The following KCTD3 variants were observed in gnomAD, a reference collection of about 807,000 sequenced individuals.
KCTD3 encodes potassium channel tetramerization domain containing 3.
Under a neutral mutation model 85.8 loss-of-function variants are expected in KCTD3, and 41 were observed. The ratio of observed to expected loss-of-function variants is 0.48; its 90% confidence interval spans 0.37 to 0.62. KCTD3 has a LOEUF of 0.62. KCTD3 is among the 20% of genes least tolerant of loss of function. The pLI, the probability that KCTD3 is intolerant of heterozygous loss-of-function variation, is 0.00. For synonymous variants in KCTD3, 338 were observed against 345.4 expected (o/e 0.98, Z 0.24); for missense variants, 724 against 989.9 (o/e 0.73, Z 3.60).
At chr1:215,591,184 T>C (rs958179029) in intron 9 of KCTD3, among the ~76,000 whole-genome samples, 7 of 152,150 alleles carry the variant, frequency 4.6e-5, no homozygotes, top group African/African-American at 1.4e-4. Context: ...ACCTCTGATA[T>C]CTGATATCTC....
intron 8 of KCTD3, among the ~76,000 whole-genome samples, chr1:215,583,552 C>T (rs1659902053): frequency 6.6e-6 from 1 of 152,130 alleles, no homozygotes; most frequent in Non-Finnish European, 1.5e-5. Flanking sequence ...TGCTGACCTT[C>T]CTTGTTACGC....
chr1:215,576,231 G>A (rs1400796923), intron 4 of KCTD3, among the ~76,000 whole-genome samples: 2 of 151,732 alleles, frequency 1.3e-5, no homozygotes, highest in African/African-American at 4.8e-5. Flanking sequence ...ACCATGCCCG[G>A]CTGATTTTTT....
At chr1:215,588,900 T>C (rs1246261538) in intron 9 of KCTD3, among the ~76,000 whole-genome samples, 1 of 152,202 alleles carries the variant, frequency 6.6e-6, no homozygotes, top group East Asian at 1.9e-4. Flanking sequence ...AAAGTTACCA[T>C]GTTATTTCTT....
At chr1:215,567,811 G>A (rs1558224342) in intron 1 of KCTD3, 43 bp downstream of exon 1, 1 of 1,186,318 alleles carries the variant, frequency 8.4e-7, no homozygotes, top group Non-Finnish European at 1.1e-6. Flanking sequence ...ATGCCTTGGC[G>A]GCCTCCTCCT....
At chr1:215,593,355 T>C (rs1188451871) in intron 9 of KCTD3, among the ~76,000 whole-genome samples, 1 of 152,234 alleles carries the variant, frequency 6.6e-6, no homozygotes. Flanking sequence ...AATGTTTATA[T>C]AGAAGATACT....
rs1430553664 is a variant in KCTD3, at chr1:215,595,435, A to G, written c.897A>G (p.Lys299=). The part of the protein sequence containing the change: ...NQLVATSHTG[K]VGVWNAVTQH... ...TGGTGGCCACGAGTCATACAGGGAA[A>G]GTGGGAGTGTGGAATGCTGTCACTC... The change falls in exon 10 of 18, where the codon AAA becomes AAG. Residue 299 remains lysine (K), a synonymous_variant. Transcript: ENST00000259154. 4 of 1,613,426 alleles carry G rather than the reference A, an allele frequency of 2.5e-6. No homozygotes were observed. Among genetic ancestry groups the G allele is most frequent in the East Asian group, 2.2e-5 (1 of 44,882 alleles).
intron 9 of KCTD3, among the ~76,000 whole-genome samples, chr1:215,594,564 A>G (rs1052663811): frequency 6.6e-6 from 1 of 151,376 alleles, no homozygotes; most frequent in Admixed American, 6.6e-5. Context: ...TATATTTTCA[A>G]CCCCCTTTCC....
At chr1:215,604,527 G>A (rs1429755257) in intron 13 of KCTD3, among the ~76,000 whole-genome samples, 4 of 151,958 alleles carry the variant, frequency 2.6e-5, no homozygotes, top group Non-Finnish European at 5.9e-5. Context: ...AGGTGGATTG[G>A]TTTAGCCCAG....
Position 215,604,266 on chromosome 1 carries a change from A to G in KCTD3, c.1273A>G (p.Thr425Ala). The G allele has an allele frequency of 6.2e-7, 1 of 1,613,994 alleles. No homozygotes were observed. ...QTFTVHRSPV[T>A]KIMLSEKHLV... ...TTTCACAGTTCACCGAAGTCCCGTAACAAAAATCATGCTATCAGAGAAGCA... is the reference window on the plus strand; with the variant it reads ...TTTCACAGTTCACCGAAGTCCCGTAGCAAAAATCATGCTATCAGAGAAGCA... Residue 425 changes from threonine to alanine, a missense_variant, in exon 13 of 18, where the codon ACA becomes GCA. Thr to Ala is a moderately conservative substitution (Grantham distance 58). This residue lies in a region of KCTD3 where 146 missense variants were observed against 320.3 expected (regional missense o/e 0.46). Transcript: ENST00000259154.
chr1:215,578,170 A>T (rs1659660852), intron 6 of KCTD3, 89 bp downstream of exon 6: 1 of 1,036,170 alleles, frequency 9.7e-7, no homozygotes, highest in Non-Finnish European at 1.4e-6. Context: ...CTCCTTGATT[A>T]TTGAGTTTTT....
chr1:215,589,815 C>T (rs73085436), intron 9 of KCTD3, among the ~76,000 whole-genome samples: 3,820 of 152,170 alleles, frequency 0.025, 156 homozygotes, highest in African/African-American at 0.086. Context: ...TGAAATAATA[C>T]GGCAGAATTT....
chr1:215,599,834 G>A (rs1436978879), intron 10 of KCTD3, among the ~76,000 whole-genome samples: 1 of 151,338 alleles, frequency 6.6e-6, no homozygotes, highest in African/African-American at 2.4e-5. Context: ...GAGAATAAAT[G>A]GTAAAAATGT....
intron 7 of KCTD3, among the ~76,000 whole-genome samples, 159 bp from the exon 8 acceptor site, chr1:215,579,750 G>T (rs544801672): frequency 1.2e-4 from 18 of 152,192 alleles, no homozygotes; most frequent in Non-Finnish European, 2.5e-4. Context: ...CGCCCGCCTC[G>T]GCCTCCCAAA....
At chr1:215,591,552 T>G (rs1160839310) in intron 9 of KCTD3, among the ~76,000 whole-genome samples, 1 of 152,108 alleles carries the variant, frequency 6.6e-6, no homozygotes, top group Non-Finnish European at 1.5e-5. Flanking sequence ...GAGACAGGTT[T>G]CACCATCTTG....
At chr1:215,605,779 G>A (rs1298197449) in intron 13 of KCTD3, among the ~76,000 whole-genome samples, 2 of 151,900 alleles carry the variant, frequency 1.3e-5, no homozygotes, top group Non-Finnish European at 2.9e-5. Context: ...CTCCCACATA[G>A]TACAATTCAT....
chr1:215,583,716 A>G lies in KCTD3; in HGVS notation c.627-2779A>G, dbSNP rs1453728413. 4.6e-5 allele frequency among the ~76,000 whole-genome samples: 7 copies of G among 152,220 alleles called. No individual in the cohort carries two copies. The East Asian group carries it at 1.4e-3, about 29-fold the overall frequency. The stretch of plus-strand genomic sequence containing the variant: ...TCTTAATCCTAAGGGTTTCAGAGGG[A>G]GGAAGATTCATCTTCTGTAACTTCT... On this transcript the variant is annotated intron_variant, in intron 8 of 17. Coordinates refer to ENST00000259154, the MANE Select transcript of KCTD3 (RefSeq NM_016121.5).
chr1:215,584,764 C>G (rs934626516), intron 8 of KCTD3, among the ~76,000 whole-genome samples: 2 of 152,206 alleles, frequency 1.3e-5, no homozygotes, highest in East Asian at 1.9e-4. Context: ...GTAAAATAAC[C>G]AGTTTCTCCA....
At chr1:215,592,092 C>T (rs1282798124) in intron 9 of KCTD3, among the ~76,000 whole-genome samples, 5 of 152,136 alleles carry the variant, frequency 3.3e-5, no homozygotes, top group African/African-American at 9.7e-5. Flanking sequence ...ATCACAAGAA[C>T]GACAAAGGAA....
chr1:215,616,891 A>G (rs1020514522), intron 15 of KCTD3, among the ~76,000 whole-genome samples: 5 of 152,252 alleles, frequency 3.3e-5, no homozygotes, highest in African/African-American at 9.6e-5. Flanking sequence ...TTGTATGCCA[A>G]TGAGTTGACT....
Sources: gnomAD v4.1 joint callset for allele counts (sites outside exome capture counted in the v4.1 genomes callset) on GRCh38, gnomAD v4.1.1 for gene constraint, gnomAD v4.1.1 regional missense constraint, MANE v1.5 for transcripts, NCBI Gene and HGNC (gene_info 2026-07-23, HGNC 2026-07-21) for gene names.